CAMK1D: variants seen among roughly 807,000 people sequenced by gnomAD.
CAMK1D encodes the protein calcium/calmodulin dependent protein kinase ID.
A neutral mutation model predicts 47.7 loss-of-function variants in CAMK1D; 9 were observed. That is an observed-to-expected ratio of 0.19 (90% CI 0.11 to 0.33). CAMK1D has a LOEUF of 0.33. Ranked by LOEUF, CAMK1D falls within the 10% of genes least tolerant of loss-of-function variation. The pLI is 1.00. For synonymous variants in CAMK1D, 184 were observed against 184.9 expected (o/e 0.99, Z 0.04); for missense variants, 291 against 488.7 (o/e 0.60, Z 3.81).
At chr10:12,556,545 A>T (rs1015394372) in intron 2 of CAMK1D, among the ~76,000 whole-genome samples, 4 of 152,110 alleles carry the variant, frequency 2.6e-5, no homozygotes, top group African/African-American at 9.7e-5. Context: ...AGGGTCAGAA[A>T]CGCAGAGGGA....
At chr10:12,552,680 A>G (rs968691806) in intron 1 of CAMK1D, among the ~76,000 whole-genome samples, 1 of 152,188 alleles carries the variant, frequency 6.6e-6, no homozygotes, top group Non-Finnish European at 1.5e-5. Context: ...TGACCTCCAC[A>G]TCCGCATGTC....
chr10:12,623,768 T>C (rs1428442125), intron 2 of CAMK1D, among the ~76,000 whole-genome samples: 1 of 151,948 alleles, frequency 6.6e-6, no homozygotes, highest in Non-Finnish European at 1.5e-5. Context: ...ATAAATGTTA[T>C]TTAGAAACCC....
intron 3 of CAMK1D, among the ~76,000 whole-genome samples, chr10:12,742,694 C>T (rs1835487751): frequency 6.6e-6 from 1 of 152,070 alleles, no homozygotes; most frequent in Non-Finnish European, 1.5e-5. Context: ...AGTGAGGTGC[C>T]ATTGAACAGT....
chr10:12,546,889 C>A (rs994996616), intron 1 of CAMK1D, among the ~76,000 whole-genome samples: 4 of 151,982 alleles, frequency 2.6e-5, no homozygotes, highest in African/African-American at 9.7e-5. Flanking sequence ...AGCACACCAA[C>A]ATGGCACATG....
At chr10:12,720,026 T>A (rs1834310611) in intron 3 of CAMK1D, among the ~76,000 whole-genome samples, 1 of 152,130 alleles carries the variant, frequency 6.6e-6, no homozygotes, top group Non-Finnish European at 1.5e-5. Flanking sequence ...AGGCATGAAT[T>A]TGCATCTAGA....
At chr10:12,795,632 T>C (rs935966924) in intron 6 of CAMK1D, among the ~76,000 whole-genome samples, 3 of 152,218 alleles carry the variant, frequency 2.0e-5, no homozygotes, top group East Asian at 1.9e-4. Flanking sequence ...GCAGCCAAAG[T>C]GGCCGTGACA....
chr10:12,550,580 C>CT (rs370931642), intron 1 of CAMK1D, among the ~76,000 whole-genome samples: 1 of 152,236 alleles, frequency 6.6e-6, no homozygotes, highest in African/African-American at 2.4e-5. Context: ...CTGGGAATGT[C>CT]TGACTCCATG....
chr10:12,515,304 G>C (rs1307992668), intron 1 of CAMK1D, among the ~76,000 whole-genome samples: 1 of 151,698 alleles, frequency 6.6e-6, no homozygotes, highest in East Asian at 1.9e-4. Context: ...AACTTCGCCA[G>C]ATTCCCCTGT....
chr10:12,662,292 A>G (rs938626974), intron 2 of CAMK1D, among the ~76,000 whole-genome samples: 2 of 152,238 alleles, frequency 1.3e-5, no homozygotes, highest in African/African-American at 2.4e-5. Context: ...CATGGAATCC[A>G]GAATGATTGG....
intron 1 of CAMK1D, among the ~76,000 whole-genome samples, chr10:12,519,012 C>G (rs1179679756): frequency 8.6e-6 from 1 of 116,908 alleles, no homozygotes; most frequent in Non-Finnish European, 1.9e-5. Context: ...GCACACCTCC[C>G]AGACGGGGTG....
chr10:12,416,516 C>T (rs1457992496), intron 1 of CAMK1D, among the ~76,000 whole-genome samples: 9 of 152,186 alleles, frequency 5.9e-5, no homozygotes, highest in Non-Finnish European at 1.0e-4. Flanking sequence ...GCTGCAGCTC[C>T]GGCTGGAGGC....
In CAMK1D at chr10:12,743,227, A is replaced by G. The variant is rs185362111; in HGVS notation, c.300-17721A>G. 4.3e-3 allele frequency among the ~76,000 whole-genome samples: 660 copies of G among 151,964 alleles called. 3 individuals are homozygous for G. Among genetic ancestry groups the G allele is most frequent in the Non-Finnish European group, 7.4e-3 (502 of 67,946 alleles). On this transcript the variant is annotated intron_variant, in intron 3 of 10. Transcript: ENST00000619168. ...CCGGGCATGGTGGCAGGCACCTGTA[A>G]TCTTAGCTACTTGGGAGGCTGAGGC...
rs1564592290 is a variant in CAMK1D at position 12,825,776 on chromosome 10, AC to A, written c.1039+88del. ...AGGAGGGAGCCGGCATCTGCCGAGC[AC>A]CTCCTGTTTGCCAGGCGCTTTCTAT... On this transcript the variant is annotated intron_variant, in intron 10 of 10. Coordinates refer to ENST00000619168, the MANE Select transcript of CAMK1D (RefSeq NM_153498.4). 5.6e-6 allele frequency: 9 copies of A among 1,593,520 alleles called. No homozygotes were observed. The South Asian group carries it at 6.8e-5, about 12-fold the overall frequency.
chr10:12,661,423 C>G (rs1190158020), intron 2 of CAMK1D, among the ~76,000 whole-genome samples: 1 of 152,174 alleles, frequency 6.6e-6, no homozygotes, highest in African/African-American at 2.4e-5. Flanking sequence ...GGAATACTTA[C>G]CTAGCCTCAT....
intron 6 of CAMK1D, among the ~76,000 whole-genome samples, chr10:12,800,501 G>A (rs970879647): frequency 2.0e-5 from 3 of 152,274 alleles, no homozygotes; most frequent in Middle Eastern, 3.4e-3. Context: ...CCCAGTGGTC[G>A]CTACATGTGG....
intron 2 of CAMK1D, among the ~76,000 whole-genome samples, chr10:12,563,802 CT>C (rs1837032265): frequency 6.6e-6 from 1 of 152,108 alleles, no homozygotes; most frequent in Non-Finnish European, 1.5e-5. Context: ...ACATATTACT[CT>C]GTAGATATTT....
At position 12,528,889 on chromosome 10, in the gene CAMK1D, A is replaced by T. The variant is rs183971382; in HGVS notation, c.93-24336A>T. On this transcript the variant is annotated intron_variant, in intron 1 of 10. Coordinates refer to ENST00000619168, the MANE Select transcript of CAMK1D (RefSeq NM_153498.4). ...CCTGAGTAGCTGGGACTACAGGTGC[A>T]TGCCGTTACACCTGGCTAATTTTCT... 1.3e-4 allele frequency among the ~76,000 whole-genome samples: 20 copies of T among 152,156 alleles called. No homozygotes were observed. In the East Asian group the frequency reaches 3.3e-3, roughly 25 times the overall value.
At chr10:12,515,345 A>C (rs1835164080) in intron 1 of CAMK1D, among the ~76,000 whole-genome samples, 1 of 150,406 alleles carries the variant, frequency 6.6e-6, no homozygotes, top group South Asian at 2.1e-4. Context: ...CTATCTGTCC[A>C]GCCCGAAGCC....
chr10:12,361,998 G>A (rs1837679201), intron 1 of CAMK1D, among the ~76,000 whole-genome samples: 1 of 152,254 alleles, frequency 6.6e-6, no homozygotes, highest in African/African-American at 2.4e-5. Context: ...CAGGGAAGCT[G>A]CTTCTTTCTT....
Sources: gnomAD v4.1 joint callset for allele counts (sites outside exome capture counted in the v4.1 genomes callset) on GRCh38, gnomAD v4.1.1 for gene constraint, MANE v1.5 for transcripts, NCBI Gene and HGNC (gene_info 2026-07-23, HGNC 2026-07-21) for gene names.